Variants in AUTS2 observed in about 807,000 individuals in gnomAD.
AUTS2 encodes the protein activator of transcription and developmental regulator AUTS2.
In AUTS2, 17 loss-of-function variants were observed where a neutral mutation model predicts 112.4. The observed-to-expected ratio is 0.15, with a 90% CI of 0.10 to 0.23. AUTS2 has a LOEUF of 0.23. AUTS2 is among the 10% of genes least tolerant of loss of function. The probability of loss-of-function intolerance (pLI) is 1.00; values close to 1 mark genes in which losing one functional copy is unlikely to be tolerated. For missense variants in AUTS2, 1,510 were observed against 1,701.6 expected (o/e 0.89, Z 1.98); for synonymous variants, 751 against 702.7 (o/e 1.07, Z -1.09).
chr7:69,870,948 C>T (rs1793469464), intron 1 of AUTS2, among the ~76,000 whole-genome samples: 1 of 152,160 alleles, frequency 6.6e-6, no homozygotes, highest in Non-Finnish European at 1.5e-5. Context: ...GAGCATTCAA[C>T]TTGTATGTAG....
intron 5 of AUTS2, among the ~76,000 whole-genome samples, chr7:70,583,932 C>G (rs1350164209): frequency 6.6e-6 from 1 of 152,100 alleles, no homozygotes; most frequent in Admixed American, 6.5e-5. Flanking sequence ...AAATATTTTC[C>G]CTGTGGGCCA....
At chr7:70,478,807 A>C (rs1182889577) in intron 5 of AUTS2, among the ~76,000 whole-genome samples, 1 of 151,784 alleles carries the variant, frequency 6.6e-6, no homozygotes, top group Non-Finnish European at 1.5e-5. Flanking sequence ...AAATCAAGTT[A>C]AAGTTAATAC....
chr7:70,035,387 G>A (rs1242739595), intron 2 of AUTS2, among the ~76,000 whole-genome samples: 1 of 152,202 alleles, frequency 6.6e-6, no homozygotes, highest in African/African-American at 2.4e-5. Context: ...CATAACACCA[G>A]TCTCACAGAA....
intron 1 of AUTS2, among the ~76,000 whole-genome samples, chr7:69,761,376 A>T (rs1788177735): frequency 6.6e-6 from 1 of 152,126 alleles, no homozygotes; most frequent in South Asian, 2.1e-4. Flanking sequence ...TGAAACATAC[A>T]GCTTGTTATT....
At chr7:70,747,790 G>C (rs975481404) in intron 6 of AUTS2, among the ~76,000 whole-genome samples, 1 of 147,884 alleles carries the variant, frequency 6.8e-6, no homozygotes, top group Non-Finnish European at 1.5e-5. Flanking sequence ...CCAGCCCAGC[G>C]AGCTCATTTC....
intron 5 of AUTS2, among the ~76,000 whole-genome samples, chr7:70,582,814 C>T (rs915239397): frequency 2.6e-5 from 4 of 152,088 alleles, no homozygotes; most frequent in African/African-American, 9.7e-5. Context: ...TTCATATTGT[C>T]CCACCATGTT....
intron 4 of AUTS2, among the ~76,000 whole-genome samples, chr7:70,223,477 C>G (rs1022718108): frequency 3.3e-5 from 5 of 152,276 alleles, no homozygotes; most frequent in African/African-American, 1.2e-4. Context: ...CACTTCTGTG[C>G]TGATGCTGGT....
In AUTS2 at chr7:70,734,111, G is replaced by T. The variant is rs558883454; in HGVS notation, c.743-28759G>T. 1.7e-4 allele frequency among the ~76,000 whole-genome samples: 26 copies of T among 152,006 alleles called. No individual in the cohort carries two copies. The East Asian group carries it at 5.1e-3, about 30-fold the overall frequency. Reference sequence around the variant, plus strand: ...AGCCTCCCGACAGCCCGCTGCATGCGCCAGGCTTCACGTTGTACTCGTTTG... The same window carrying T: ...AGCCTCCCGACAGCCCGCTGCATGCTCCAGGCTTCACGTTGTACTCGTTTG... On this transcript the variant is annotated intron_variant, in intron 6 of 18. Transcript: ENST00000342771.
chr7:69,763,926 G>A (rs1172165411), intron 1 of AUTS2, among the ~76,000 whole-genome samples: 1 of 152,172 alleles, frequency 6.6e-6, no homozygotes, highest in Non-Finnish European at 1.5e-5. Flanking sequence ...CTTTGACTTG[G>A]TAGGTACCTA....
intron 1 of AUTS2, among the ~76,000 whole-genome samples, chr7:69,887,239 C>G (rs1006323274): frequency 6.6e-6 from 1 of 151,804 alleles, no homozygotes. Context: ...CATGGTGAAA[C>G]CCCGTCTCTA....
At position 70,553,272 on chromosome 7, in the gene AUTS2, C is replaced by T. The variant is rs11524608; in HGVS notation, c.690+117491C>T. Among the ~76,000 whole-genome samples the T allele has an allele frequency of 2.2e-3, 341 of 152,292 alleles. 1 individual carries two copies. Among genetic ancestry groups the T allele is most frequent in the Middle Eastern group, 0.017 (5 of 294 alleles). ...TTTCTATTTGGTGGCATAGACACAG[C>T]CCAGCCAACCTAATTCTCATTTTAT... On this transcript the variant is annotated intron_variant, in intron 5 of 18. Coordinates refer to ENST00000342771, the MANE Select transcript of AUTS2 (RefSeq NM_015570.4).
intron 1 of AUTS2, among the ~76,000 whole-genome samples, chr7:69,847,728 C>T (rs930995651): frequency 3.3e-5 from 5 of 152,240 alleles, no homozygotes; most frequent in South Asian, 2.1e-4. Context: ...AGTAGAAAGC[C>T]GAACACTTGA....
intron 5 of AUTS2, among the ~76,000 whole-genome samples, chr7:70,600,842 C>T (rs552000834): frequency 2.4e-4 from 36 of 152,326 alleles, no homozygotes; most frequent in African/African-American, 8.2e-4. Flanking sequence ...CAAGCTGTAA[C>T]ATGTATCAGT....
intron 6 of AUTS2, 45 bp from the exon 7 acceptor site, chr7:70,762,825 C>A: frequency 7.2e-7 from 1 of 1,385,326 alleles, no homozygotes; most frequent in Non-Finnish European, 1.0e-6. Context: ...ATGCCACACT[C>A]GCATGTCATT....
chr7:69,720,047 C>G (rs1414425662), intron 1 of AUTS2, among the ~76,000 whole-genome samples: 1 of 152,126 alleles, frequency 6.6e-6, no homozygotes, highest in African/African-American at 2.4e-5. Context: ...ACAGTGTGAG[C>G]ATAGAAGTAG....
chr7:70,678,802 G>A (rs1353120861), intron 5 of AUTS2, among the ~76,000 whole-genome samples: 1 of 152,124 alleles, frequency 6.6e-6, no homozygotes. Flanking sequence ...CTTCCAAGGG[G>A]CCCCTAGCTG....
chr7:70,035,114 A>C (rs1406429788), intron 2 of AUTS2, among the ~76,000 whole-genome samples: 1 of 152,272 alleles, frequency 6.6e-6, no homozygotes, highest in Non-Finnish European at 1.5e-5. Flanking sequence ...TATAGAAAAC[A>C]GAACATTTGC....
intron 4 of AUTS2, among the ~76,000 whole-genome samples, chr7:70,403,654 G>T (rs1052068046): frequency 5.3e-5 from 8 of 152,190 alleles, no homozygotes; most frequent in Admixed American, 5.2e-4. Context: ...GAATGGGTGA[G>T]GGATGGAGAC....
chr7:69,893,957 A>G (rs893179871), intron 1 of AUTS2, among the ~76,000 whole-genome samples: 2 of 152,170 alleles, frequency 1.3e-5, no homozygotes, highest in Non-Finnish European at 2.9e-5. Context: ...AAGATCGCCT[A>G]TTTTGAAGAA....
Sources: allele counts gnomAD v4.1 joint callset (sites outside exome capture counted in the v4.1 genomes callset), GRCh38; gene constraint gnomAD v4.1.1; transcripts MANE v1.5; gene names NCBI Gene and HGNC (gene_info 2026-07-23, HGNC 2026-07-21).